Variants in SYN2 observed in about 807,000 individuals in gnomAD.
SYN2 encodes synapsin-2.
SYN2 carries 19 observed loss-of-function variants against 50.9 expected under a neutral mutation model. That is an observed-to-expected ratio of 0.37 (90% CI 0.26 to 0.55). The LOEUF is 0.55. Ranked by LOEUF, SYN2 falls within the 20% of genes least tolerant of loss-of-function variation. The pLI is 0.81. For synonymous variants in SYN2, 255 were observed against 224.9 expected, an observed-to-expected ratio of 1.13 and a Z score of -1.20; for missense variants, 587 against 576.4, an observed-to-expected ratio of 1.02 and a Z score of -0.19.
At chr3:12,049,975 C>T (rs926417160) in intron 1 of SYN2, among the ~76,000 whole-genome samples, 1 of 152,180 alleles carries the variant, frequency 6.6e-6, no homozygotes, top group Non-Finnish European at 1.5e-5. Flanking sequence ...AGGGGGCTCA[C>T]TGCAACCTCC....
chr3:12,145,786 G>C lies in SYN2; in HGVS notation c.635G>C (p.Ser212Thr), dbSNP rs937744295. ...GGTATGCAGTATGCAGGCCTCCCCA[G>C]CATCAACTCACTGGAATCCATATAC... ...IIGMQYAGLP[S>T]INSLESIYNF... is the part of the protein sequence containing the mutation. Residue 212 changes from serine to threonine, a missense_variant, in exon 4 of 13, where the codon AGC becomes ACC. By Grantham distance (58) the Ser-to-Thr change is moderately conservative. Transcript: ENST00000621198. 4.3e-6 allele frequency: 7 copies of C among 1,613,864 alleles called. No individual in the cohort carries two copies. The African/African-American group carries it at 6.7e-5, about 15-fold the overall frequency.
intron 1 of SYN2, among the ~76,000 whole-genome samples, chr3:12,018,778 A>C (rs1694072145): frequency 6.6e-6 from 1 of 152,218 alleles, no homozygotes; most frequent in African/African-American, 2.4e-5. Context: ...AGGACTTTGC[A>C]AACTGTAACA....
At chr3:12,163,304 A>G (rs1036609008) in intron 7 of SYN2, among the ~76,000 whole-genome samples, 1 of 151,520 alleles carries the variant, frequency 6.6e-6, no homozygotes, top group African/African-American at 2.4e-5. Flanking sequence ...AAAGAACATT[A>G]TTAATATATA....
At chr3:12,112,886 A>G (rs1179433005) in intron 1 of SYN2, among the ~76,000 whole-genome samples, 5 of 152,218 alleles carry the variant, frequency 3.3e-5, no homozygotes, top group African/African-American at 4.8e-5. Flanking sequence ...TGGTACAAGT[A>G]GTAAATTCTA....
At chr3:12,130,235 T>TAC (rs1320003401) in intron 1 of SYN2, among the ~76,000 whole-genome samples, 1 of 75,228 alleles carries the variant, frequency 1.3e-5, no homozygotes, top group African/African-American at 3.7e-5. Context: ...CATCTCTGTG[T>TAC]GCGTGTGTGT....
intron 4 of SYN2, among the ~76,000 whole-genome samples, chr3:12,149,052 G>T (rs1377022427): frequency 6.6e-6 from 1 of 152,242 alleles, no homozygotes; most frequent in Non-Finnish European, 1.5e-5. Flanking sequence ...CTGCTGGAGA[G>T]GAGGGTGGGG....
At chr3:12,128,857 A>C (rs1247185091) in intron 1 of SYN2, among the ~76,000 whole-genome samples, 1 of 152,168 alleles carries the variant, frequency 6.6e-6, no homozygotes, top group African/African-American at 2.4e-5. Flanking sequence ...GGTGCACTTG[A>C]TACTTTACAT....
chr3:12,153,506 T>G (rs747012061), intron 5 of SYN2: 1 of 1,612,876 alleles, frequency 6.2e-7, no homozygotes, highest in East Asian at 2.2e-5. Flanking sequence ...TGATGGTCAC[T>G]GGTCCCTACT....
At chr3:12,061,118 C>T (rs1215230842) in intron 1 of SYN2, among the ~76,000 whole-genome samples, 1 of 152,152 alleles carries the variant, frequency 6.6e-6, no homozygotes, top group Non-Finnish European at 1.5e-5. Flanking sequence ...ATGGGCTATT[C>T]TGGACACAGC....
intron 1 of SYN2, among the ~76,000 whole-genome samples, chr3:12,041,064 C>G (rs1694600724): frequency 6.6e-6 from 1 of 152,172 alleles, no homozygotes; most frequent in African/African-American, 2.4e-5. Flanking sequence ...TCAAACTTGG[C>G]AGACAACTCC....
At chr3:12,186,620 G>A (rs974655815) in intron 11 of SYN2, among the ~76,000 whole-genome samples, 2 of 152,184 alleles carry the variant, frequency 1.3e-5, no homozygotes, top group African/African-American at 4.8e-5. Context: ...TAGGAAGAAT[G>A]GATTTCTCCT....
chr3:12,137,369 GT>G (rs1278404883), intron 1 of SYN2, among the ~76,000 whole-genome samples: 1 of 152,162 alleles, frequency 6.6e-6, no homozygotes, highest in Non-Finnish European at 1.5e-5. Flanking sequence ...GCTGGTAAGA[GT>G]GGTATCATCT....
Position 12,185,474 on chromosome 3 carries a change from GA to G in SYN2, c.1370-1894del, listed in dbSNP as rs1698323170. The stretch of plus-strand genomic sequence containing the variant: ...GGGCTCCCACTGCCAAATGCAAGCA[GA>G]TAGCATAACCTGACTGTTATGTGCC... On this transcript the variant is annotated intron_variant, in intron 11 of 12. Transcript: ENST00000621198. The G allele has an allele frequency of 1.1e-5, 11 of 985,750 alleles. No individual in the cohort carries two copies. In the South Asian group the frequency reaches 4.7e-4, roughly 42 times the overall value. 61.1% of individuals were successfully genotyped at this position (985,750 alleles called of 1,614,324 possible).
intron 1 of SYN2, among the ~76,000 whole-genome samples, chr3:12,089,750 TA>T (rs942690755): frequency 1.3e-5 from 2 of 152,142 alleles, no homozygotes; most frequent in Non-Finnish European, 2.9e-5. Flanking sequence ...AGGCATTGTC[TA>T]GGGGGAGTCA....
intron 11 of SYN2, chr3:12,183,581 C>T: frequency 6.7e-7 from 1 of 1,491,306 alleles, no homozygotes; most frequent in Non-Finnish European, 8.8e-7. Context: ...TTTTCCTATG[C>T]AGTGTCAGCT....
chr3:12,037,369 T>C (rs1015456905), intron 1 of SYN2, among the ~76,000 whole-genome samples: 1 of 152,222 alleles, frequency 6.6e-6, no homozygotes, highest in South Asian at 2.1e-4. Flanking sequence ...CCCCACTTCT[T>C]TGCACCAATT....
At chr3:12,137,746 T>C (rs1696926958) in intron 1 of SYN2, among the ~76,000 whole-genome samples, 1 of 152,236 alleles carries the variant, frequency 6.6e-6, no homozygotes, top group Admixed American at 6.5e-5. Context: ...ATGTATGTGT[T>C]TGAAGCATAT....
chr3:12,143,767 T>G (rs938786430), intron 3 of SYN2, among the ~76,000 whole-genome samples: 3 of 152,248 alleles, frequency 2.0e-5, no homozygotes, highest in African/African-American at 7.2e-5. Flanking sequence ...GGGTGTCTTT[T>G]AATATGATGA....
chr3:12,067,965 G>A (rs1256601523), intron 1 of SYN2, among the ~76,000 whole-genome samples: 1 of 152,164 alleles, frequency 6.6e-6, no homozygotes, highest in Non-Finnish European at 1.5e-5. Context: ...GGCTGAAGTG[G>A]GAGGATCACC....
Sources: allele counts gnomAD v4.1 joint callset (sites outside exome capture counted in the v4.1 genomes callset), GRCh38; gene constraint gnomAD v4.1.1; transcripts MANE v1.5; gene names NCBI Gene and HGNC (gene_info 2026-07-23, HGNC 2026-07-21).